The following TDRD7 variants were observed in gnomAD, a reference collection of about 807,000 sequenced individuals.
TDRD7 encodes the protein tudor domain-containing protein 7.
A neutral mutation model predicts 109.8 loss-of-function variants in TDRD7; 47 were observed. The ratio of observed to expected loss-of-function variants is 0.43; its 90% confidence interval spans 0.34 to 0.55. The LOEUF (loss-of-function observed/expected upper bound fraction) is 0.55. Ranked by LOEUF, TDRD7 falls within the 20% of genes least tolerant of loss-of-function variation. The probability of loss-of-function intolerance (pLI) is 0.03; values close to 1 mark genes in which losing one functional copy is unlikely to be tolerated. For missense variants in TDRD7, 1,164 were observed against 1,319.2 expected (o/e 0.88, Z 1.82); for synonymous variants, 424 against 457.3 (o/e 0.93, Z 0.93).
intron 16 of TDRD7, among the ~76,000 whole-genome samples, chr9:97,494,700 ATATATATATATATT>A (rs2131191067): frequency 2.1e-5 from 2 of 94,368 alleles, no homozygotes; most frequent in African/African-American, 7.6e-5. Flanking sequence ...ATATGTATAT[ATATATATATATATT>A]TTTTTTTTTT....
At chr9:97,448,003 C>G (rs995916004) in intron 6 of TDRD7, among the ~76,000 whole-genome samples, 1 of 152,128 alleles carries the variant, frequency 6.6e-6, no homozygotes, top group South Asian at 2.1e-4. Context: ...AAGTGTTGAC[C>G]TTGAAGTACA....
At chr9:97,444,649 C>G (rs184189010) in intron 6 of TDRD7, among the ~76,000 whole-genome samples, 2 of 152,282 alleles carry the variant, frequency 1.3e-5, no homozygotes, top group East Asian at 1.9e-4. Context: ...TGGCTTGTCT[C>G]TCTATATGGC....
chr9:97,471,277 C>T (rs546116697), intron 9 of TDRD7, among the ~76,000 whole-genome samples: 7 of 152,082 alleles, frequency 4.6e-5, no homozygotes, highest in East Asian at 3.9e-4. Flanking sequence ...TGCACCATGC[C>T]GGGGGGGACT....
intron 6 of TDRD7, among the ~76,000 whole-genome samples, chr9:97,447,694 T>C (rs755745067): frequency 1.3e-5 from 2 of 152,146 alleles, no homozygotes; most frequent in Non-Finnish European, 2.9e-5. Flanking sequence ...CTACCCTCCC[T>C]GCACCTGCCC....
chr9:97,418,817 C>A (rs1827853409), intron 1 of TDRD7, among the ~76,000 whole-genome samples: 1 of 152,180 alleles, frequency 6.6e-6, no homozygotes, highest in South Asian at 2.1e-4. Context: ...ATTTATCCGA[C>A]ATTTTTTCCC....
intron 13 of TDRD7, among the ~76,000 whole-genome samples, chr9:97,479,941 C>T (rs566593978): frequency 4.6e-5 from 7 of 152,302 alleles, no homozygotes; most frequent in African/African-American, 1.4e-4. Context: ...CCCACTCCCT[C>T]GTTGCCTGCC....
At chr9:97,421,253 G>A (rs1304829781) in intron 1 of TDRD7, among the ~76,000 whole-genome samples, 1 of 152,140 alleles carries the variant, frequency 6.6e-6, no homozygotes, top group Non-Finnish European at 1.5e-5. Context: ...CGTATTGTCA[G>A]TTTTTTAAAA....
intron 6 of TDRD7, among the ~76,000 whole-genome samples, chr9:97,451,095 C>A (rs569327226): frequency 2.0e-5 from 3 of 151,942 alleles, no homozygotes; most frequent in Non-Finnish European, 4.4e-5. Flanking sequence ...ACCAATCATG[C>A]CTGCGGAATG....
chr9:97,455,729 C>A (rs1267799866), intron 6 of TDRD7, among the ~76,000 whole-genome samples: 2 of 152,126 alleles, frequency 1.3e-5, no homozygotes, highest in Admixed American at 1.3e-4. Flanking sequence ...ATTGAATGTG[C>A]AAAAGCTGGA....
chr9:97,416,421 A>T (rs939103972), intron 1 of TDRD7, among the ~76,000 whole-genome samples: 2 of 152,222 alleles, frequency 1.3e-5, no homozygotes, highest in African/African-American at 2.4e-5. Context: ...TTGTGAATTT[A>T]ATATCAGTTT....
chr9:97,494,454 C>A (rs1181153704), intron 16 of TDRD7, among the ~76,000 whole-genome samples: 1 of 152,036 alleles, frequency 6.6e-6, no homozygotes, highest in Non-Finnish European at 1.5e-5. Context: ...TACCTTTTTT[C>A]TTCTTAAATA....
chr9:97,442,859 G>A (rs140241594), intron 6 of TDRD7, among the ~76,000 whole-genome samples: 2 of 151,874 alleles, frequency 1.3e-5, no homozygotes, highest in East Asian at 1.9e-4. Flanking sequence ...ACAGTGGAAC[G>A]ATCTTGGCTC....
At chr9:97,484,661 T>TA (rs1829180924) in intron 15 of TDRD7, among the ~76,000 whole-genome samples, 5 of 152,220 alleles carry the variant, frequency 3.3e-5, no homozygotes. Flanking sequence ...TCGAAAAACA[T>TA]ACAATTTGTA....
intron 13 of TDRD7, 44 bp downstream of exon 13, chr9:97,478,617 A>AT (rs988237887): frequency 6.2e-7 from 1 of 1,612,446 alleles, no homozygotes; most frequent in Non-Finnish European, 8.5e-7. Context: ...ACAGATTTGG[A>AT]TGTGTTCATA....
chr9:97,448,693 G>T (rs541944933), intron 6 of TDRD7, among the ~76,000 whole-genome samples: 31 of 152,266 alleles, frequency 2.0e-4, no homozygotes, highest in African/African-American at 7.2e-4. Context: ...TAGAAAGCAG[G>T]TCTCTAGGTA....
chr9:97,470,641 A>T lies in TDRD7; in HGVS notation c.1713A>T (p.Ser571=). ...TAAACCCGAAGTTTTGTTCACTCTCATTTCAAGCTACAAAATGTAAGCTTG... is the reference window on the plus strand; with the variant it reads ...TAAACCCGAAGTTTTGTTCACTCTCTTTTCAAGCTACAAAATGTAAGCTTG... ...YKLNPKFCSL[S]FQATKCKLAG... Residue 571 remains serine, a synonymous_variant, in exon 9 of 17, where the codon TCA becomes TCT. Coordinates refer to ENST00000355295, the MANE Select transcript of TDRD7 (RefSeq NM_014290.3). 6.2e-7 allele frequency: 1 copy of T among 1,613,946 alleles called. No homozygotes were observed. Among genetic ancestry groups the T allele is most frequent in the Non-Finnish European group, 8.5e-7 (1 of 1,179,910 alleles).
chr9:97,495,596 C>G, intron 16 of TDRD7, 67 bp from the exon 17 acceptor site: 1 of 1,451,078 alleles, frequency 6.9e-7, no homozygotes, highest in Non-Finnish European at 9.7e-7. Flanking sequence ...AATTTTCCAT[C>G]ATAATGGATC....
chr9:97,463,774 C>T (rs1828771862), intron 7 of TDRD7, among the ~76,000 whole-genome samples: 1 of 152,104 alleles, frequency 6.6e-6, no homozygotes, highest in African/African-American at 2.4e-5. Flanking sequence ...TGAACTGGAA[C>T]AAGGTGACCA....
At chr9:97,420,339 A>G (rs1049143872) in intron 1 of TDRD7, among the ~76,000 whole-genome samples, 2 of 129,080 alleles carry the variant, frequency 1.5e-5, no homozygotes, top group African/African-American at 5.9e-5. Context: ...ACCACAGAGA[A>G]GCATAGCTTA....
Sources: allele counts gnomAD v4.1 joint callset (sites outside exome capture counted in the v4.1 genomes callset), GRCh38; gene constraint gnomAD v4.1.1; transcripts MANE v1.5; gene names NCBI Gene and HGNC (gene_info 2026-07-23, HGNC 2026-07-21).